The following RLBP1 variants were observed in gnomAD, a reference collection of about 807,000 sequenced individuals.
RLBP1 encodes retinaldehyde binding protein 1.
RLBP1 carries 26 observed loss-of-function variants against 36.2 expected under a neutral mutation model. The observed-to-expected ratio is 0.72, with a 90% CI of 0.53 to 1.00. RLBP1 has a LOEUF of 1.00. RLBP1 is among the 50% of genes least tolerant of loss of function. The probability of loss-of-function intolerance (pLI) is 0.00; values close to 1 mark genes in which losing one functional copy is unlikely to be tolerated. For missense variants in RLBP1, 410 were observed against 402.4 expected, an observed-to-expected ratio of 1.02 and a Z score of -0.16; for synonymous variants, 155 against 156.2, an observed-to-expected ratio of 0.99 and a Z score of 0.06.
rs966669435 is a variant in RLBP1, at chr15:89,215,115, A to G, written c.470T>C (p.Val157Ala). ...VLSSRDKYGR[V>A]VMLFNIENWQ... is the part of the protein sequence containing the mutation. ...GTTCTCAATGTTGAAGAGCATGACC[A>G]CTCGGCCATACTTGTCCCGACTAGA... The change falls in exon 6 of 9, where the codon GTG (valine) becomes GCG (alanine). Residue 157 changes from valine (V) to alanine (A), a missense_variant. Val to Ala is a moderately conservative substitution (Grantham distance 64). Coordinates refer to ENST00000268125, the MANE Select transcript of RLBP1 (RefSeq NM_000326.5). 2.5e-6 allele frequency: 4 copies of G among 1,613,918 alleles called. No homozygotes were observed. Among genetic ancestry groups the G allele is most frequent in the Non-Finnish European group, 3.4e-6 (4 of 1,179,990 alleles).
Position 89,211,724 on chromosome 15 carries a change from A to G in RLBP1, c.684+19T>C. The G allele has an allele frequency of 6.2e-7, 1 of 1,612,730 alleles. No individual in the cohort carries two copies. ...CCCAGCTGTGGGAGGCTGCCGTGCG[A>G]CAGAACTCTAAGCCTCACCTGGAGC... On this transcript the variant is annotated intron_variant, in intron 7 of 8. Transcript: ENST00000268125. The surrounding 1 kb of genome is among the most constrained non-coding windows in gnomAD (Gnocchi z 5.8).
Position 89,214,718 on chromosome 15 carries a change from G to A in RLBP1, c.525+342C>T, listed in dbSNP as rs1265030795. Among the ~76,000 whole-genome samples the A allele has an allele frequency of 6.6e-6, 1 of 152,168 alleles. No homozygotes were observed. Among genetic ancestry groups the A allele is most frequent in the African/African-American group, 2.4e-5 (1 of 41,448 alleles). ...TCCAGCCTATAGTCCACTAATCCCT[G>A]TTCTCTCTGTTGCTCTCAGCATTTA... On this transcript the variant is annotated intron_variant, in intron 6 of 8. Transcript: ENST00000268125. This position sits in a 1 kb window ranked among gnomAD's most constrained non-coding sequence, Gnocchi z 4.6.
chr15:89,216,678 T>A (rs956873841), intron 5 of RLBP1, among the ~76,000 whole-genome samples: 5 of 152,158 alleles, frequency 3.3e-5, no homozygotes, highest in Non-Finnish European at 7.4e-5. Context: ...AGCGGTTCTG[T>A]CCCCGGGGTT....
rs2051606744 is a variant in RLBP1, at chr15:89,219,065, G to A, written c.-90C>T. On this transcript the variant is annotated 5_prime_UTR_variant, in exon 3 of 9. Coordinates refer to ENST00000268125, the MANE Select transcript of RLBP1 (RefSeq NM_000326.5). ...TCCAGCCGGCCCCTTCCCTAGGATA[G>A]GAAGTCAGGGCTGCAGGGGTTAGAA... 30 of 1,499,828 alleles carry A rather than the reference G, an allele frequency of 2.0e-5. No individual in the cohort carries two copies. The highest frequency in any genetic ancestry group is 2.7e-5 in the Non-Finnish European group (29 of 1,077,952). The allele number at this position is 1,499,828 out of a possible 1,614,324, so 92.9% of individuals were successfully genotyped here. A position where few individuals can be genotyped will look rare whatever the true frequency, so the allele number is the denominator to read the frequency against.
Position 89,215,385 on chromosome 15 carries a change from T to G in RLBP1, c.347-147A>C. 8.5e-6 allele frequency: 6 copies of G among 702,852 alleles called. 1 individual carries two copies. The South Asian group carries it at 1.1e-4, about 13-fold the overall frequency. 43.5% of individuals were successfully genotyped at this position (702,852 alleles called of 1,614,324 possible). On this transcript the variant is annotated intron_variant, in intron 5 of 8. Coordinates refer to ENST00000268125, the MANE Select transcript of RLBP1 (RefSeq NM_000326.5). ...CAACCTATCCGAGCCCCATGTTTCC[T>G]CTCCAAAAAATGGGATCTCGATATT... is the stretch of plus-strand genomic sequence containing the variant.
chr15:89,218,473 G>A lies in RLBP1; in HGVS notation c.141+92C>T. ...GTCCAGGATGATCTGGAGTGCCGAG[G>A]CTGGACCCTTTTCACAGGAGAGAGA... On this transcript the variant is annotated intron_variant, in intron 4 of 8. Coordinates refer to ENST00000268125, the MANE Select transcript of RLBP1 (RefSeq NM_000326.5). This position sits in a 1 kb window ranked among gnomAD's most constrained non-coding sequence, Gnocchi z 4.6. 2 of 1,577,842 alleles carry A rather than the reference G, an allele frequency of 1.3e-6. No homozygotes were observed. Among genetic ancestry groups the A allele is most frequent in the Admixed American group, 3.3e-5 (2 of 59,930 alleles).
Position 89,210,241 on chromosome 15 carries a change from A to T in RLBP1, c.*44T>A. 1 of 1,609,226 alleles carries T rather than the reference A, an allele frequency of 6.2e-7. No homozygotes were observed. The highest frequency in any genetic ancestry group is 8.5e-7 in the Non-Finnish European group (1 of 1,177,688). On this transcript the variant is annotated 3_prime_UTR_variant, in exon 9 of 9. Coordinates refer to ENST00000268125, the MANE Select transcript of RLBP1 (RefSeq NM_000326.5). The surrounding 1 kb of genome is among the most constrained non-coding windows in gnomAD (Gnocchi z 4.7). ...CCTTGGGTCCAGGACAGTTGAGGAG[A>T]GGCCCAGAGATTCTAACTACAGTTC...
In RLBP1 at chr15:89,218,637, C is replaced by T. The variant is rs1419256419; in HGVS notation, c.69G>A (p.Glu23=). The T allele has an allele frequency of 1.9e-6, 3 of 1,614,216 alleles. No individual in the cohort carries two copies. Among genetic ancestry groups the T allele is most frequent in the Non-Finnish European group, 2.5e-6 (3 of 1,180,048 alleles). ...GTCCATGGTCCTTGGTTGTGAGCTG[C>T]TCCAGTTGGGCACGGAGCTCCTGTT... is the stretch of plus-strand genomic sequence containing the variant. ...EEEQELRAQL[E]QLTTKDHGPV... Residue 23 remains glutamate, a synonymous_variant, in exon 4 of 9, where the codon GAG becomes GAA. Transcript: ENST00000268125. The surrounding 1 kb of genome is among the most constrained non-coding windows in gnomAD (Gnocchi z 4.6).
rs1223349467 is a variant in RLBP1, at chr15:89,214,044, A to G, written c.525+1016T>C. ...TAAAGAGACCAATGGAACAGAATAG[A>G]AAGTCCAGAAATAGACCAAGCACAT... On this transcript the variant is annotated intron_variant, in intron 6 of 8. Transcript: ENST00000268125. The surrounding 1 kb of genome is among the most constrained non-coding windows in gnomAD (Gnocchi z 4.6). Among the ~76,000 whole-genome samples, 3 of 152,234 alleles carry G rather than the reference A, an allele frequency of 2.0e-5. No individual in the cohort carries two copies. In the South Asian group the frequency reaches 6.2e-4, roughly 32 times the overall value.
At chr15:89,215,263 C>A in intron 5 of RLBP1, 25 bp from the exon 6 acceptor site, 4 of 1,613,244 alleles carry the variant, frequency 2.5e-6, no homozygotes, top group East Asian at 2.2e-5. Context: ...GCAGAGGAAC[C>A]CCCTCAGGGA....
intron 1 of RLBP1, among the ~76,000 whole-genome samples, chr15:89,220,941 T>C (rs2051621255): frequency 1.3e-5 from 2 of 152,064 alleles, no homozygotes; most frequent in Admixed American, 1.3e-4. Flanking sequence ...CACACCATGC[T>C]GATGCTGTTC....
Position 89,218,491 on chromosome 15 carries a change from G to T in RLBP1, c.141+74C>A. The T allele has an allele frequency of 1.2e-6, 2 of 1,604,448 alleles. No individual in the cohort carries two copies. The highest frequency in any genetic ancestry group is 2.7e-5 in the African/African-American group (2 of 74,900). ...TGCCGAGGCTGGACCCTTTTCACAG[G>T]AGAGAGAATGCAGTCATGTTCCCCT... On this transcript the variant is annotated intron_variant, in intron 4 of 8. Transcript: ENST00000268125. The surrounding 1 kb of genome is among the most constrained non-coding windows in gnomAD (Gnocchi z 4.6).
In RLBP1 at chr15:89,215,238, C is replaced by T. The variant is rs1354468991; in HGVS notation, c.347G>A (p.Gly116Asp). ...GTACTGCAGCCGGAAATTCACATAG[C>T]CTGGAGGAAGGAGAGCAGAGGAACC... ...NVGRAYELLR[G>D]YVNFRLQYPE... is the part of the protein sequence containing the mutation. Residue 116 changes from glycine to aspartate, a missense_variant and splice_region_variant, in exon 6 of 9, where the codon GGC becomes GAC. Transcript: ENST00000268125. 3.7e-6 allele frequency: 6 copies of T among 1,614,100 alleles called. No homozygotes were observed. In the South Asian group the frequency reaches 4.4e-5, roughly 12 times the overall value.
intron 1 of RLBP1, among the ~76,000 whole-genome samples, chr15:89,220,465 A>T (rs543639292): frequency 1.6e-4 from 24 of 152,212 alleles, no homozygotes; most frequent in African/African-American, 5.8e-4. Flanking sequence ...ATTGATTATT[A>T]CCCTAACTTG....
Position 89,215,051 on chromosome 15 carries a change from C to G in RLBP1, c.525+9G>C. The stretch of plus-strand genomic sequence containing the variant: ...CCACAGGGTGGGAGCCAGGCGAGCC[C>G]CCACTAACCTCATCAAAGGTGATTT... On this transcript the variant is annotated intron_variant, in intron 6 of 8. Transcript: ENST00000268125. 6.2e-7 allele frequency: 1 copy of G among 1,614,116 alleles called. No homozygotes were observed. Among genetic ancestry groups the G allele is most frequent in the Non-Finnish European group, 8.5e-7 (1 of 1,179,988 alleles).
At chr15:89,215,372 G>T in intron 5 of RLBP1, 134 bp from the exon 6 acceptor site, 1 of 765,774 alleles carries the variant, frequency 1.3e-6, no homozygotes, top group Non-Finnish European at 2.1e-6. Context: ...ACCTATCCGA[G>T]CCCCATGTTT....
chr15:89,219,122 A>C (rs1403149716), intron 2 of RLBP1, 47 bp from the exon 3 acceptor site: 2 of 929,074 alleles, frequency 2.2e-6, no homozygotes. Flanking sequence ...AGAACTGTGG[A>C]TCTCAAACTT....
In RLBP1 at chr15:89,218,518, A is replaced by G; in HGVS notation, c.141+47T>C. The G allele has an allele frequency of 1.2e-6, 2 of 1,613,474 alleles. No homozygotes were observed. The highest frequency in any genetic ancestry group is 8.5e-7 in the Non-Finnish European group (1 of 1,179,718). ...GAGAGAATGCAGTCATGTTCCCCTC[A>G]TGTTGCCTCCCTAGGCTGCTCCTCT... On this transcript the variant is annotated intron_variant, in intron 4 of 8. Transcript: ENST00000268125. This position sits in a 1 kb window ranked among gnomAD's most constrained non-coding sequence, Gnocchi z 4.6.
rs765397409 is a variant in RLBP1 at position 89,218,712 on chromosome 15, AAG to A, written c.13-21_13-20del. On this transcript the variant is annotated intron_variant, in intron 3 of 8. Transcript: ENST00000268125. This position sits in a 1 kb window ranked among gnomAD's most constrained non-coding sequence, Gnocchi z 4.6. Reference sequence around the variant, plus strand: ...TGCCCACCTGGGCAGAGAAAGGAAAAAGAGGAACAGCCAACCGCATCAGCCTG... The same window carrying A: ...TGCCCACCTGGGCAGAGAAAGGAAAAAGGAACAGCCAACCGCATCAGCCTG... The A allele has an allele frequency of 6.2e-7, 1 of 1,613,608 alleles. No homozygotes were observed. Among genetic ancestry groups the A allele is most frequent in the Admixed American group, 1.7e-5 (1 of 60,034 alleles).
Sources: allele counts gnomAD v4.1 joint callset (sites outside exome capture counted in the v4.1 genomes callset), GRCh38; gene constraint gnomAD v4.1.1; non-coding constraint Gnocchi (gnomAD v3.1); transcripts MANE v1.5; gene names NCBI Gene and HGNC (gene_info 2026-07-23, HGNC 2026-07-21).